Variants in IDH3G observed in about 807,000 individuals in gnomAD.
IDH3G encodes isocitrate dehydrogenase [NAD] subunit gamma, mitochondrial.
A neutral mutation model predicts 26.9 loss-of-function variants in IDH3G; 9 were observed. The observed-to-expected ratio is 0.34, with a 90% CI of 0.20 to 0.58. IDH3G has a LOEUF of 0.58. Ranked by LOEUF, IDH3G falls within the 20% of genes least tolerant of loss-of-function variation. The pLI is 0.85. For missense variants in IDH3G, 250 were observed against 372.8 expected (o/e 0.67, Z 2.71); for synonymous variants, 181 against 160.0 (o/e 1.13, Z -0.99).
In IDH3G at chrX:153,788,055, C is replaced by T. The variant is rs782143767; in HGVS notation, c.407+20G>A. On this transcript the variant is annotated intron_variant, in intron 6 of 12. Transcript: ENST00000217901. The stretch of plus-strand genomic sequence containing the variant: ...CACCTTAGCCCCACCAAGCCCCCAG[C>T]CCGCACACCCGGATCTCACCGAAGG... The T allele has an allele frequency of 3.3e-6, 4 of 1,211,300 alleles. No homozygotes were observed. The East Asian group carries it at 8.9e-5, about 27-fold the overall frequency.
chrX:153,787,315 C>T, intron 8 of IDH3G, 149 bp downstream of exon 8: 2 of 817,484 alleles, frequency 2.4e-6, no homozygotes, highest in Non-Finnish European at 3.5e-6. Context: ...AGTGTGGGTT[C>T]TGGCAAGGCC....
chrX:153,794,142 TG>T, intron 1 of IDH3G, 103 bp downstream of exon 1: 1 of 923,084 alleles, frequency 1.1e-6, no homozygotes, highest in Non-Finnish European at 1.4e-6. Context: ...TCCCCGCCCC[TG>T]GTGGGGCCCC....
chrX:153,790,019 C>A lies in IDH3G; in HGVS notation c.233+176G>T. 8 of 486,916 alleles carry A rather than the reference C, an allele frequency of 1.6e-5. No individual in the cohort carries two copies. The South Asian group carries it at 1.8e-4, about 11-fold the overall frequency. 40.1% of individuals were successfully genotyped at this position (486,916 alleles called of 1,213,427 possible). A position where few individuals can be genotyped will look rare whatever the true frequency, so the allele number is the denominator to read the frequency against. On this transcript the variant is annotated intron_variant, in intron 4 of 12. Transcript: ENST00000217901. ...GCACACTGTGGCAGGACTGGTGCCACCTTCCCCGAGCCCAGGCCAGTCTGG... is the reference window on the plus strand; with the variant it reads ...GCACACTGTGGCAGGACTGGTGCCAACTTCCCCGAGCCCAGGCCAGTCTGG...
Position 153,787,158 on chromosome X carries a change from T to TG in IDH3G, c.675-6dup. On this transcript the variant is annotated splice_region_variant and splice_polypyrimidine_tract_variant and intron_variant, in intron 8 of 12. Transcript: ENST00000217901. The stretch of plus-strand genomic sequence containing the variant: ...AAAAGCCCATCGCCCAGTTTCCTGG[T>TG]GGGGGGTTAGGAATAGGACACCAGC... The TG allele has an allele frequency of 1.7e-6, 2 of 1,191,150 alleles. No individual in the cohort carries two copies.
chrX:153,793,128 A>C (rs1557070903), intron 1 of IDH3G, among the ~76,000 whole-genome samples: 1 of 110,805 alleles, frequency 9.0e-6, no homozygotes, highest in Admixed American at 9.6e-5. Context: ...CCCACCGTTC[A>C]CTGTCCCCTA....
At position 153,787,155 on chromosome X, in the gene IDH3G, T is replaced by C; in HGVS notation, c.675-2A>G. The C allele has an allele frequency of 4.2e-6, 5 of 1,194,263 alleles. No homozygotes were observed. The highest frequency in any genetic ancestry group is 5.7e-6 in the Non-Finnish European group (5 of 880,404). ...AGGAAAAGCCCATCGCCCAGTTTCC[T>C]GGTGGGGGGTTAGGAATAGGACACC... On this transcript the variant is annotated splice_acceptor_variant, in intron 8 of 12. Coordinates refer to ENST00000217901, the MANE Select transcript of IDH3G (RefSeq NM_004135.4). LOFTEE classifies it high-confidence loss of function.
intron 4 of IDH3G, 62 bp from the exon 5 acceptor site, chrX:153,789,886 TG>T: frequency 1.3e-6 from 1 of 771,589 alleles, no homozygotes; most frequent in Non-Finnish European, 1.9e-6. Flanking sequence ...CCAGGAAGCC[TG>T]CCCAGGCTAC....
chrX:153,791,744 C>T (rs1435388332), intron 1 of IDH3G, among the ~76,000 whole-genome samples: 2 of 112,514 alleles, frequency 1.8e-5, no homozygotes. Flanking sequence ...TAGCCATTGG[C>T]CAAAGAGCCA....
intron 7 of IDH3G, 32 bp downstream of exon 7, chrX:153,787,790 TG>T (rs782468458): frequency 3.4e-6 from 4 of 1,192,279 alleles, no homozygotes; most frequent in East Asian, 3.0e-5. Flanking sequence ...ATCTTGACGC[TG>T]GGGGGGCTCA....
intron 6 of IDH3G, 54 bp from the exon 7 acceptor site, chrX:153,788,009 C>G (rs1557069618): frequency 2.0e-5 from 24 of 1,207,445 alleles, no homozygotes; most frequent in Non-Finnish European, 4.5e-6. Context: ...CTGACTGGAG[C>G]CAGACTCCAC....
chrX:153,789,157 C>T (rs2092099780), intron 5 of IDH3G: 1 of 341,335 alleles, frequency 2.9e-6, no homozygotes, highest in African/African-American at 2.6e-5. Context: ...AGGAGGCGTC[C>T]ACCCAGTCTC....
chrX:153,786,124 G>A (rs781903105), intron 12 of IDH3G, 88 bp downstream of exon 12: 1 of 1,198,041 alleles, frequency 8.3e-7, no homozygotes, highest in Admixed American at 2.2e-5. Flanking sequence ...CTCCCCTGGG[G>A]GCTGTGGTCA....
At chrX:153,789,962 T>A in intron 4 of IDH3G, 138 bp from the exon 5 acceptor site, 1 of 493,204 alleles carries the variant, frequency 2.0e-6, no homozygotes, top group Admixed American at 3.1e-5. Flanking sequence ...CCACCTTCAC[T>A]GACTGATGGG....
At chrX:153,786,032 G>A in intron 12 of IDH3G, 59 bp from the exon 13 acceptor site, 1 of 1,209,718 alleles carries the variant, frequency 8.3e-7, no homozygotes, top group Non-Finnish European at 1.1e-6. Context: ...GCTGTCTCCT[G>A]TGACGTGCAG....
Position 153,786,852 on chromosome X carries a change from T to G in IDH3G, c.873A>C (p.Pro291=), listed in dbSNP as rs1032696586. The G allele has an allele frequency of 1.6e-5, 19 of 1,210,590 alleles. No homozygotes were observed. Among genetic ancestry groups the G allele is most frequent in the Non-Finnish European group, 1.9e-5 (17 of 894,536 alleles). The change falls in exon 10 of 13, where the codon CCA becomes CCC. Residue 291 remains proline (P), a synonymous_variant. Transcript: ENST00000217901. ...CATAGTTGGCCCCAGCCACAAGGCC[T>G]GGGCCCCCGACCAGTCCCGCGCAGA... ...NNVCAGLVGG[P]GLVAGANYGH... is the part of the protein sequence containing the mutation.
At chrX:153,788,410 T>C (rs2092097457) in intron 5 of IDH3G, among the ~76,000 whole-genome samples, 1 of 112,735 alleles carries the variant, frequency 8.9e-6, no homozygotes, top group Non-Finnish European at 1.9e-5. Context: ...CAGGCAGCCA[T>C]GCCATTCTCC....
At chrX:153,792,040 T>C (rs2092111034) in intron 1 of IDH3G, among the ~76,000 whole-genome samples, 1 of 112,313 alleles carries the variant, frequency 8.9e-6, no homozygotes, top group African/African-American at 3.2e-5. Context: ...TTGGGGGCTC[T>C]TGTAAGCACG....
chrX:153,788,603 C>T (rs1288424843), intron 5 of IDH3G, among the ~76,000 whole-genome samples: 4 of 113,019 alleles, frequency 3.5e-5, no homozygotes, highest in African/African-American at 1.3e-4. Context: ...ACCCTACGAC[C>T]CAGGACACCT....
chrX:153,786,815 C>T lies in IDH3G; in HGVS notation c.910G>A (p.Ala304Thr). 2.5e-6 allele frequency: 3 copies of T among 1,208,742 alleles called. No homozygotes were observed. The highest frequency in any genetic ancestry group is 3.4e-6 in the Non-Finnish European group (3 of 893,275). The change falls in exon 10 of 13, where the codon GCG (alanine) becomes ACG (threonine). Residue 304 changes from alanine to threonine, a missense_variant. Transcript: ENST00000217901. ...CCGGCACTCACTGTTTCAAACACCG[C>T]GTACACATGGCCATAGTTGGCCCCA... ...VAGANYGHVY[A>T]VFETATRNTG... is the part of the protein sequence containing the mutation.
Sources: gnomAD v4.1 joint callset for allele counts (sites outside exome capture counted in the v4.1 genomes callset) on GRCh38, gnomAD v4.1.1 for gene constraint, MANE v1.5 for transcripts, NCBI Gene and HGNC (gene_info 2026-07-23, HGNC 2026-07-21) for gene names.